Variants in BCAS2 observed in about 807,000 individuals in gnomAD.
The protein encoded by BCAS2 is pre-mRNA-splicing factor SPF27.
A neutral mutation model predicts 35.3 loss-of-function variants in BCAS2; 34 were observed. The ratio of observed to expected loss-of-function variants is 0.96; its 90% CI spans 0.73 to 1.28. The LOEUF is 1.28. BCAS2 is among the 50% of genes most tolerant of loss of function. BCAS2 has a pLI of 0.00. For missense variants in BCAS2, 221 were observed against 268.1 expected (o/e 0.82, Z 1.23); for synonymous variants, 75 against 91.6 (o/e 0.82, Z 1.03).
chr1:114,570,598 A>T, intron 5 of BCAS2, 102 bp downstream of exon 5: 1 of 814,454 alleles, frequency 1.2e-6, no homozygotes, highest in Non-Finnish European at 2.0e-6. Context: ...TCAATTGTTT[A>T]CTTTCATCTG....
intron 4 of BCAS2, among the ~76,000 whole-genome samples, chr1:114,571,783 T>C (rs1413908598): frequency 6.6e-6 from 1 of 152,168 alleles, no homozygotes; most frequent in Non-Finnish European, 1.5e-5. Context: ...CTTGTCATTC[T>C]CTCCTCCTGT....
intron 6 of BCAS2, among the ~76,000 whole-genome samples, chr1:114,568,896 T>C (rs1654584708): frequency 6.6e-6 from 1 of 151,388 alleles, no homozygotes; most frequent in South Asian, 2.1e-4. Context: ...CTGAAGAGCT[T>C]AGACTACAGG....
intron 2 of BCAS2, among the ~76,000 whole-genome samples, chr1:114,578,201 A>G (rs1041151348): frequency 6.6e-6 from 1 of 152,046 alleles, no homozygotes; most frequent in Non-Finnish European, 1.5e-5. Context: ...AAACAAAAAA[A>G]CAAAAAAACA....
intron 6 of BCAS2, among the ~76,000 whole-genome samples, chr1:114,569,791 T>C (rs961937413): frequency 6.6e-6 from 1 of 152,072 alleles, no homozygotes; most frequent in Non-Finnish European, 1.5e-5. Context: ...TAGCAAAGGA[T>C]CCTTCGCCAA....
rs781039504 is a variant in BCAS2, at chr1:114,568,258, T to C, written c.552-2A>G. 3 of 1,610,824 alleles carry C rather than the reference T, an allele frequency of 1.9e-6. No homozygotes were observed. Among genetic ancestry groups the C allele is most frequent in the Non-Finnish European group, 1.7e-6 (2 of 1,179,044 alleles). On this transcript the variant is annotated splice_acceptor_variant, in intron 6 of 6. Transcript: ENST00000369541. LOFTEE classifies it high-confidence loss of function. ...TTCTTACTGACCAGGGATACCCAAC[T>C]AGAATGGGGGGGAAGAAAAGAAAAA... is the stretch of plus-strand genomic sequence containing the variant.
Position 114,570,169 on chromosome 1 carries a change from G to A in BCAS2, c.471-97C>T, listed in dbSNP as rs371592418. The stretch of plus-strand genomic sequence containing the variant: ...ACAAGAGAATATCTTAATCCCATGA[G>A]AACAATATTATGTACAGTTATAGGC... On this transcript the variant is annotated intron_variant, in intron 5 of 6. Transcript: ENST00000369541. 107 of 835,576 alleles carry A rather than the reference G, an allele frequency of 1.3e-4. No homozygotes were observed. The South Asian group carries it at 1.5e-3, about 12-fold the overall frequency. The allele number at this position is 835,576 out of a possible 1,614,324, so 51.8% of individuals were successfully genotyped here.
intron 4 of BCAS2, among the ~76,000 whole-genome samples, chr1:114,574,715 C>T (rs960502722): frequency 5.9e-5 from 9 of 152,132 alleles, no homozygotes; most frequent in Non-Finnish European, 7.3e-5. Flanking sequence ...CAATAAATGT[C>T]GTAGTTTGGT....
At chr1:114,571,228 TA>T (rs1309955408) in intron 4 of BCAS2, among the ~76,000 whole-genome samples, 5 of 151,136 alleles carry the variant, frequency 3.3e-5, no homozygotes, top group Admixed American at 6.6e-5. Flanking sequence ...CTAATTTTTG[TA>T]TTTTTTTTTT....
In BCAS2 at chr1:114,576,767, T is replaced by C; in HGVS notation, c.187-9A>G. On this transcript the variant is annotated splice_polypyrimidine_tract_variant and intron_variant, in intron 2 of 6. Transcript: ENST00000369541. ...TTTCTCATTATGTCAGTCTGATGTGTAAATCAGAAAAAAGATTTCTAAGAT... is the reference window on the plus strand; with the variant it reads ...TTTCTCATTATGTCAGTCTGATGTGCAAATCAGAAAAAAGATTTCTAAGAT... The C allele has an allele frequency of 6.3e-7, 1 of 1,599,602 alleles. No individual in the cohort carries two copies. The highest frequency in any genetic ancestry group is 8.5e-7 in the Non-Finnish European group (1 of 1,171,602).
At chr1:114,580,143 G>A (rs1397609435) in intron 2 of BCAS2, among the ~76,000 whole-genome samples, 2 of 151,898 alleles carry the variant, frequency 1.3e-5, no homozygotes, top group African/African-American at 4.8e-5. Flanking sequence ...TCACTATGTT[G>A]CCCAGGCTGG....
At chr1:114,580,837 T>C (rs1399587258) in intron 2 of BCAS2, among the ~76,000 whole-genome samples, 2 of 152,168 alleles carry the variant, frequency 1.3e-5, no homozygotes, top group African/African-American at 4.8e-5. Context: ...AGGAGAAGGC[T>C]GAGAAAAAAG....
In BCAS2 at chr1:114,576,756, A is replaced by C; in HGVS notation, c.189T>G (p.Thr63=). ...TTTCAAATTCATTTCTCATTATGTC[A>C]GTCTGATGTGTAAATCAGAAAAAAG... is the stretch of plus-strand genomic sequence containing the variant. ...LTAPDYSAFE[T]DIMRNEFERL... is the part of the protein sequence containing the mutation. Residue 63 remains threonine, a splice_region_variant and synonymous_variant, in exon 3 of 7, where the codon ACT becomes ACG. Coordinates refer to ENST00000369541, the MANE Select transcript of BCAS2 (RefSeq NM_005872.3). 2 of 1,607,930 alleles carry C rather than the reference A, an allele frequency of 1.2e-6. No homozygotes were observed. The highest frequency in any genetic ancestry group is 1.7e-6 in the Non-Finnish European group (2 of 1,177,260).
chr1:114,570,259 T>C (rs1654612193), intron 5 of BCAS2, among the ~76,000 whole-genome samples, 187 bp from the exon 6 acceptor site: 1 of 146,472 alleles, frequency 6.8e-6, no homozygotes, highest in Admixed American at 6.8e-5. Flanking sequence ...ACATGCTCAT[T>C]GTGAGAAATC....
rs769524176 is a variant in BCAS2, at chr1:114,568,263, T to TG, written c.552-8dup. ...ACTGACCAGGGATACCCAACTAGAA[T>TG]GGGGGGGAAGAAAAGAAAAAAATTA... On this transcript the variant is annotated splice_polypyrimidine_tract_variant and splice_region_variant and intron_variant, in intron 6 of 6. Transcript: ENST00000369541. 47 of 1,608,602 alleles carry TG rather than the reference T, an allele frequency of 2.9e-5. No individual in the cohort carries two copies. Among genetic ancestry groups the TG allele is most frequent in the African/African-American group, 5.4e-5 (4 of 74,514 alleles).
chr1:114,580,597 T>C (rs186862463), intron 2 of BCAS2, among the ~76,000 whole-genome samples: 13 of 152,322 alleles, frequency 8.5e-5, no homozygotes, highest in Middle Eastern at 3.4e-3. Context: ...CTGTATTGTA[T>C]TTTTCTGTAT....
intron 6 of BCAS2, among the ~76,000 whole-genome samples, chr1:114,568,756 T>A (rs1419250558): frequency 2.1e-5 from 2 of 96,598 alleles, no homozygotes; most frequent in Admixed American, 2.0e-4. Flanking sequence ...CTCTGTATTC[T>A]TTTTTTTTTT....
At chr1:114,570,899 C>G in intron 4 of BCAS2, 149 bp from the exon 5 acceptor site, 2 of 644,538 alleles carry the variant, frequency 3.1e-6, no homozygotes, top group Non-Finnish European at 5.5e-6. Context: ...GACTGTCACT[C>G]ATGCTGGAAT....
At chr1:114,575,240 T>C (rs958155155) in intron 4 of BCAS2, among the ~76,000 whole-genome samples, 14 of 143,862 alleles carry the variant, frequency 9.7e-5, no homozygotes, top group African/African-American at 3.1e-4. Context: ...TAGGCTGGAG[T>C]GCAGTGGCAA....
chr1:114,571,497 C>G (rs1654642779), intron 4 of BCAS2, among the ~76,000 whole-genome samples: 1 of 152,072 alleles, frequency 6.6e-6, no homozygotes. Context: ...GCTTGGATTA[C>G]AGGCATAAGC....
Sources: allele counts gnomAD v4.1 joint callset (sites outside exome capture counted in the v4.1 genomes callset), GRCh38; gene constraint gnomAD v4.1.1; transcripts MANE v1.5; gene names NCBI Gene and HGNC (gene_info 2026-07-23, HGNC 2026-07-21).